NVL: variants seen among roughly 807,000 people sequenced by gnomAD.
NVL encodes nuclear VCP like.
In NVL, 84 loss-of-function variants were observed where a neutral mutation model predicts 110.2. The observed-to-expected ratio is 0.76, with a 90% CI of 0.64 to 0.91. The LOEUF is 0.91. Among genes scored for constraint, NVL ranks in the 40% least tolerant of loss-of-function variants. NVL has a pLI of 0.00. For synonymous variants in NVL, 354 were observed against 361.1 expected, an observed-to-expected ratio of 0.98 and a Z score of 0.22; for missense variants, 882 against 1,035.9, an observed-to-expected ratio of 0.85 and a Z score of 2.04.
intron 18 of NVL, among the ~76,000 whole-genome samples, 175 bp downstream of exon 18, chr1:224,267,859 C>T (rs746510911): frequency 6.6e-6 from 1 of 152,144 alleles, no homozygotes; most frequent in Non-Finnish European, 1.5e-5. Context: ...AGTTTCCTTT[C>T]ACAGAACCAA....
At chr1:224,296,320 T>A (rs1404201866) in intron 11 of NVL, among the ~76,000 whole-genome samples, 181 bp downstream of exon 11, 1 of 152,142 alleles carries the variant, frequency 6.6e-6, no homozygotes, top group Non-Finnish European at 1.5e-5. Flanking sequence ...GCTCAAGCAA[T>A]CCTCCTACCT....
At chr1:224,313,730 C>T (rs1219699103) in intron 4 of NVL, among the ~76,000 whole-genome samples, 8 of 152,126 alleles carry the variant, frequency 5.3e-5, no homozygotes, top group Non-Finnish European at 1.0e-4. Flanking sequence ...AGGCCAGAGG[C>T]GGTGGCTCAA....
intron 18 of NVL, among the ~76,000 whole-genome samples, chr1:224,255,243 G>A (rs2102777079): frequency 8.5e-6 from 1 of 117,160 alleles, no homozygotes; most frequent in South Asian, 3.0e-4. Flanking sequence ...AGGCTGGAAT[G>A]CAGTGGTGCG....
In NVL at chr1:224,315,368, A is replaced by C. The variant is rs560164706; in HGVS notation, c.284+2326T>G. Among the ~76,000 whole-genome samples, 4 of 152,324 alleles carry C rather than the reference A, an allele frequency of 2.6e-5. 1 individual carries two copies. The highest frequency in any genetic ancestry group is 7.2e-5 in the African/African-American group (3 of 41,566). On this transcript the variant is annotated intron_variant, in intron 4 of 22. Transcript: ENST00000281701. ...ACTGGGAACCAATGTAATTCATCAA[A>C]TTAATAGACTAAAGGGGAAAGGCCA...
intron 13 of NVL, among the ~76,000 whole-genome samples, chr1:224,288,376 G>GTATA (rs1667066978): frequency 1.3e-5 from 2 of 152,096 alleles, no homozygotes; most frequent in Admixed American, 1.3e-4. Context: ...GCTGGAGGTA[G>GTATA]TATAATTCAT....
At chr1:224,277,543 A>G (rs1338168302) in intron 16 of NVL, among the ~76,000 whole-genome samples, 1 of 152,216 alleles carries the variant, frequency 6.6e-6, no homozygotes, top group Non-Finnish European at 1.5e-5. Context: ...AGGTAAACCT[A>G]AAGTTTCAAC....
Position 224,249,150 on chromosome 1 carries a change from A to AT in NVL, c.2289+1061dup, listed in dbSNP as rs10642577. On this transcript the variant is annotated intron_variant, in intron 19 of 22. Coordinates refer to ENST00000281701, the MANE Select transcript of NVL (RefSeq NM_002533.4). Reference sequence around the variant, plus strand: ...GAAGTGGGATGACAGAAGTCATTCAATTTTTTTTTTTGAGAGAGGGTCTTG... The same window carrying AT: ...GAAGTGGGATGACAGAAGTCATTCAATTTTTTTTTTTTGAGAGAGGGTCTTG... 9.0e-3 allele frequency among the ~76,000 whole-genome samples: 1,346 copies of AT among 150,220 alleles called. 12 individuals are homozygous for AT. The highest frequency in any genetic ancestry group is 0.03 in the African/African-American group (1,219 of 41,102).
intron 19 of NVL, among the ~76,000 whole-genome samples, chr1:224,249,337 C>G (rs548210053): frequency 8.0e-4 from 122 of 152,264 alleles, no homozygotes; most frequent in Non-Finnish European, 1.6e-3. Context: ...GTTTCCCAGG[C>G]TGATCTTGAA....
chr1:224,304,628 G>C (rs370360235), intron 8 of NVL, 108 bp downstream of exon 8: 1 of 947,434 alleles, frequency 1.1e-6, no homozygotes, highest in South Asian at 1.5e-5. Flanking sequence ...AACCTTCCCA[G>C]TTTCCTTTTC....
At chr1:224,294,190 A>G in intron 12 of NVL, 77 bp downstream of exon 12, 1 of 1,451,950 alleles carries the variant, frequency 6.9e-7, no homozygotes. Flanking sequence ...GCTACTTGGT[A>G]TTTCTCACCT....
intron 1 of NVL, 70 bp from the exon 2 acceptor site, chr1:224,326,534 G>A (rs755789714): frequency 3.8e-4 from 380 of 1,005,632 alleles, no homozygotes; most frequent in Non-Finnish European, 5.3e-4. Flanking sequence ...TCAACAGATT[G>A]AGCTATCTGA....
chr1:224,253,750 A>AG (rs775266574), intron 18 of NVL, among the ~76,000 whole-genome samples: 1 of 141,716 alleles, frequency 7.1e-6, no homozygotes. Context: ...AAAAAAAAAG[A>AG]AAAGAAAAAA....
chr1:224,305,327 G>T, intron 6 of NVL, 161 bp from the exon 7 acceptor site: 1 of 658,970 alleles, frequency 1.5e-6, no homozygotes, highest in Non-Finnish European at 2.5e-6. Flanking sequence ...GCTGTCTATT[G>T]TGAAAGTCCT....
At chr1:224,262,410 C>T (rs1664082890) in intron 18 of NVL, among the ~76,000 whole-genome samples, 1 of 151,930 alleles carries the variant, frequency 6.6e-6, no homozygotes, top group Non-Finnish European at 1.5e-5. Context: ...AATATACAAG[C>T]AGTCAAAAAA....
intron 19 of NVL, among the ~76,000 whole-genome samples, chr1:224,237,378 G>A (rs1660603874): frequency 6.6e-6 from 1 of 152,110 alleles, no homozygotes; most frequent in Non-Finnish European, 1.5e-5. Flanking sequence ...ACTCAATCTT[G>A]ATTTTGGTGC....
At chr1:224,272,309 C>T (rs745635310) in intron 17 of NVL, among the ~76,000 whole-genome samples, 1 of 151,462 alleles carries the variant, frequency 6.6e-6, no homozygotes, top group Admixed American at 6.6e-5. Flanking sequence ...CGCGCCACTG[C>T]ACTCCAGCTT....
intron 9 of NVL, among the ~76,000 whole-genome samples, chr1:224,302,492 C>T (rs559604695): frequency 2.6e-5 from 4 of 152,248 alleles, no homozygotes; most frequent in South Asian, 2.1e-4. Context: ...TGAGCCACTG[C>T]GCCCGGCGAG....
At chr1:224,313,277 A>G (rs1034282154) in intron 4 of NVL, 3 of 154,178 alleles carry the variant, frequency 1.9e-5, no homozygotes, top group African/African-American at 7.2e-5. Flanking sequence ...TTGAAAAAAA[A>G]AAAAGTTTTG....
intron 18 of NVL, among the ~76,000 whole-genome samples, chr1:224,251,104 T>C (rs1489075481): frequency 6.6e-6 from 1 of 151,614 alleles, no homozygotes; most frequent in Non-Finnish European, 1.5e-5. Flanking sequence ...TGAAACCCCG[T>C]CTCTGCTAAA....
Sources: allele counts gnomAD v4.1 joint callset (sites outside exome capture counted in the v4.1 genomes callset), GRCh38; gene constraint gnomAD v4.1.1; transcripts MANE v1.5; gene names NCBI Gene and HGNC (gene_info 2026-07-23, HGNC 2026-07-21).